The following OGFOD1 variants were observed in gnomAD, a reference collection of about 807,000 sequenced individuals.
The protein encoded by OGFOD1 is 2-oxoglutarate and iron dependent oxygenase domain containing 1.
A neutral mutation model predicts 67.7 loss-of-function variants in OGFOD1; 54 were observed. The ratio of observed to expected loss-of-function variants is 0.80; its 90% CI spans 0.64 to 1.00. The LOEUF (loss-of-function observed/expected upper bound fraction) is 1.00, where lower values mean the gene tolerates loss of function less well. Among genes scored for constraint, OGFOD1 ranks in the 50% least tolerant of loss-of-function variants. OGFOD1 has a pLI of 0.00. For synonymous variants in OGFOD1, 221 were observed against 227.0 expected (o/e 0.97, Z 0.24); for missense variants, 606 against 646.7 (o/e 0.94, Z 0.68).
chr16:56,475,518 G>A lies in OGFOD1; in HGVS notation c.1420G>A (p.Glu474Lys), dbSNP rs1352768511. ...TTTTCTCTTGTAAGGCTGGGAGCCA[G>A]AATATGGCGGTTTTACTTCTTACAT... The part of the protein sequence containing the change: ...LYCGCEGWEP[E>K]YGGFTSYIAK... Residue 474 changes from glutamate (E) to lysine (K), a missense_variant, in exon 12 of 13, where the codon GAA (glutamate) becomes AAA (lysine). By Grantham distance (56) the Glu-to-Lys change is moderately conservative. Transcript: ENST00000566157. 3 of 1,613,926 alleles carry A rather than the reference G, an allele frequency of 1.9e-6. No homozygotes were observed. Among genetic ancestry groups the A allele is most frequent in the Non-Finnish European group, 2.5e-6 (3 of 1,179,962 alleles).
chr16:56,470,295 G>A (rs1475881095), intron 9 of OGFOD1, 192 bp from the exon 10 acceptor site: 3 of 663,652 alleles, frequency 4.5e-6, no homozygotes, highest in Non-Finnish European at 7.6e-6. Context: ...ATGATGTTTT[G>A]TTCTCAGGGA....
At position 56,476,115 on chromosome 16, in the gene OGFOD1, C is replaced by G; in HGVS notation, c.1539C>G (p.Val513=). The G allele has an allele frequency of 6.2e-7, 1 of 1,613,880 alleles. No homozygotes were observed. The highest frequency in any genetic ancestry group is 8.5e-7 in the Non-Finnish European group (1 of 1,179,828). ...GAGACAGAGAGACTCTGAAATTTGT[C>G]AAGCATATTAACCACCGAAGCCTGG... ...VYRDRETLKF[V]KHINHRSLEQ... is the part of the protein sequence containing the mutation. Residue 513 remains valine (V), a synonymous_variant, in exon 13 of 13, where the codon GTC becomes GTG. Transcript: ENST00000566157.
In OGFOD1 at chr16:56,467,396, C is replaced by T. The variant is rs1962948977; in HGVS notation, c.786+103C>T. The T allele has an allele frequency of 4.0e-6, 5 of 1,241,196 alleles. No individual in the cohort carries two copies. In the African/African-American group the frequency reaches 7.7e-5, roughly 19 times the overall value. The allele number at this position is 1,241,196 out of a possible 1,614,324, so 76.9% of individuals were successfully genotyped here. A position where few individuals can be genotyped will look rare whatever the true frequency, so the allele number is the denominator to read the frequency against. ...CCATTTAATGAAACTGGACCTTGAG[C>T]TTGCCCCTTTCCACTTTTCTTTTTT... On this transcript the variant is annotated intron_variant, in intron 7 of 12. Transcript: ENST00000566157.
chr16:56,470,201 C>A, intron 9 of OGFOD1, 119 bp downstream of exon 9: 2 of 874,512 alleles, frequency 2.3e-6, no homozygotes, highest in South Asian at 3.2e-5. Context: ...ACAGGCAGTT[C>A]ATGAAAGAAA....
intron 2 of OGFOD1, among the ~76,000 whole-genome samples, chr16:56,456,318 A>T (rs1229423610): frequency 6.6e-6 from 1 of 152,080 alleles, no homozygotes; most frequent in Non-Finnish European, 1.5e-5. Flanking sequence ...AGTATTCTGC[A>T]TCCTAATGCT....
intron 3 of OGFOD1, 97 bp downstream of exon 3, chr16:56,458,691 G>C (rs1458320404): frequency 4.8e-6 from 5 of 1,046,396 alleles, no homozygotes; most frequent in Non-Finnish European, 1.5e-6. Context: ...TATAATTCTT[G>C]TTGACATTGT....
chr16:56,454,586 G>T (rs1262642751), intron 2 of OGFOD1, among the ~76,000 whole-genome samples: 1 of 151,226 alleles, frequency 6.6e-6, no homozygotes, highest in Non-Finnish European at 1.5e-5. Flanking sequence ...CCCAGTTTGG[G>T]GGTATATCTT....
At chr16:56,466,727 G>T (rs1460799246) in intron 5 of OGFOD1, 149 bp from the exon 6 acceptor site, 3 of 679,222 alleles carry the variant, frequency 4.4e-6, no homozygotes, top group Non-Finnish European at 7.9e-6. Flanking sequence ...AAACTCGCAA[G>T]TATGAGTGAA....
chr16:56,462,200 G>C (rs1398587122), intron 3 of OGFOD1, among the ~76,000 whole-genome samples: 1 of 152,282 alleles, frequency 6.6e-6, no homozygotes, highest in African/African-American at 2.4e-5. Context: ...CTGGTGTGAT[G>C]AGTTGTTATG....
chr16:56,471,739 G>C (rs746307623), intron 10 of OGFOD1, among the ~76,000 whole-genome samples: 7 of 152,230 alleles, frequency 4.6e-5, no homozygotes, highest in Non-Finnish European at 7.3e-5. Context: ...TTCCAAAACT[G>C]ACTGAACAGT....
intron 8 of OGFOD1, among the ~76,000 whole-genome samples, chr16:56,468,367 A>G (rs751961099): frequency 1.2e-4 from 19 of 152,224 alleles, no homozygotes; most frequent in Admixed American, 4.6e-4. Flanking sequence ...TAATAGATCA[A>G]TATCTGTTGT....
Position 56,451,731 on chromosome 16 carries a change from C to T in OGFOD1, c.119C>T (p.Ala40Val). 1 of 1,613,512 alleles carries T rather than the reference C, an allele frequency of 6.2e-7. No homozygotes were observed. Among genetic ancestry groups the T allele is most frequent in the Non-Finnish European group, 8.5e-7 (1 of 1,179,908 alleles). ...GAAGAAACCTTGAAAAAGCAGGTGG[C>T]TGAGGCCTGGAGCCGCAGGACGCCG... Reference protein sequence around the residue: ...VTEETLKKQVAEAWSRRTPFS... With the variant: ...VTEETLKKQVVEAWSRRTPFS... Residue 40 changes from alanine (A) to valine (V), a missense_variant, in exon 1 of 13, where the codon GCT (alanine) becomes GTT (valine). Physicochemically the swap from Ala to Val is moderately conservative, Grantham distance 64. Coordinates refer to ENST00000566157, the MANE Select transcript of OGFOD1 (RefSeq NM_018233.4).
intron 8 of OGFOD1, among the ~76,000 whole-genome samples, chr16:56,468,386 T>G (rs1160513239): frequency 6.6e-6 from 1 of 152,162 alleles, no homozygotes; most frequent in East Asian, 1.9e-4. Flanking sequence ...GTTGAACATT[T>G]GACAGTGATG....
intron 3 of OGFOD1, among the ~76,000 whole-genome samples, chr16:56,461,442 T>A (rs1962707533): frequency 6.6e-6 from 1 of 152,224 alleles, no homozygotes; most frequent in African/African-American, 2.4e-5. Context: ...TGTTTCTCAG[T>A]TCTGTCCTTT....
intron 5 of OGFOD1, 63 bp from the exon 6 acceptor site, chr16:56,466,813 G>C: frequency 7.9e-7 from 1 of 1,263,828 alleles, no homozygotes; most frequent in Non-Finnish European, 1.2e-6. Context: ...ATTGTCAAGA[G>C]TAAAATGAGG....
chr16:56,452,011 C>A (rs1962355096), intron 1 of OGFOD1: 2 of 479,756 alleles, frequency 4.2e-6, no homozygotes, highest in Admixed American at 3.5e-5. Flanking sequence ...AGAGGGTATG[C>A]AAGAGATAGT....
rs563975142 is a variant in OGFOD1, at chr16:56,457,925, G to A, written c.301-623G>A. Reference sequence around the variant, plus strand: ...GAACTCCTGACCTCATGATCTGCCCGCCTCGGCCTCCCAAAGTTCTGGGAT... The same window carrying A: ...GAACTCCTGACCTCATGATCTGCCCACCTCGGCCTCCCAAAGTTCTGGGAT... On this transcript the variant is annotated intron_variant, in intron 2 of 12. Coordinates refer to ENST00000566157, the MANE Select transcript of OGFOD1 (RefSeq NM_018233.4). 5.9e-5 allele frequency among the ~76,000 whole-genome samples: 9 copies of A among 152,178 alleles called. No homozygotes were observed. The East Asian group carries it at 1.2e-3, about 20-fold the overall frequency.
chr16:56,468,484 G>A (rs1380511365), intron 8 of OGFOD1, among the ~76,000 whole-genome samples: 1 of 152,190 alleles, frequency 6.6e-6, no homozygotes, highest in Non-Finnish European at 1.5e-5. Flanking sequence ...TACTTTGGGA[G>A]GCCGAGGTGG....
At position 56,476,093 on chromosome 16, in the gene OGFOD1, A is replaced by G; in HGVS notation, c.1517A>G (p.Asp506Gly). The change falls in exon 13 of 13, where the codon GAC becomes GGC. Residue 506 changes from aspartate to glycine, a missense_variant. Physicochemically the swap from Asp to Gly is moderately conservative, Grantham distance 94 (BLOSUM62 -1). Transcript: ENST00000566157. ...AATTCTTTGGCATTGGTCTACAGAG[A>G]CAGAGAGACTCTGAAATTTGTCAAG... is the stretch of plus-strand genomic sequence containing the variant. ...ESNSLALVYRDRETLKFVKHI... is the reference protein window; with the variant it reads ...ESNSLALVYRGRETLKFVKHI... 1 of 1,613,798 alleles carries G rather than the reference A, an allele frequency of 6.2e-7. No individual in the cohort carries two copies. The highest frequency in any genetic ancestry group is 8.5e-7 in the Non-Finnish European group (1 of 1,179,692).
Sources: allele counts gnomAD v4.1 joint callset (sites outside exome capture counted in the v4.1 genomes callset), GRCh38; gene constraint gnomAD v4.1.1; transcripts MANE v1.5; gene names NCBI Gene and HGNC (gene_info 2026-07-23, HGNC 2026-07-21).